LRRC7: variants seen among roughly 807,000 people sequenced by gnomAD.
The protein encoded by LRRC7 is leucine-rich repeat-containing protein 7.
LRRC7 carries 23 observed loss-of-function variants against 175.7 expected under a neutral mutation model. That is an observed-to-expected ratio of 0.13 (90% CI 0.09 to 0.19). LRRC7 has a LOEUF of 0.19. Among genes scored for constraint, LRRC7 ranks in the 10% least tolerant of loss-of-function variants. LRRC7 has a pLI of 1.00. For synonymous variants in LRRC7, 685 were observed against 680.9 expected (o/e 1.01, Z -0.09); for missense variants, 1,354 against 1,904.7 (o/e 0.71, Z 5.38).
Position 69,678,387 on chromosome 1 carries a change from GA to G in LRRC7, c.11del (p.Asn4ThrfsTer2). 6.3e-7 allele frequency: 1 copy of G among 1,589,858 alleles called. No individual in the cohort carries two copies. The highest frequency in any genetic ancestry group is 8.6e-7 in the Non-Finnish European group (1 of 1,166,544). On this transcript the variant is annotated frameshift_variant, in exon 2 of 27. Coordinates refer to ENST00000651989, the MANE Select transcript of LRRC7 (RefSeq NM_001370785.2). LOFTEE classifies it high-confidence loss of function. MME[N>X]LIRGRNPPQY... is the part of the protein sequence containing the mutation. Reference sequence around the variant, plus strand: ...TTCTGATTCTCTCTTATAGGATGGAGAACCTAATAAGGGGAAGGAATCCCCC... The same window carrying G: ...TTCTGATTCTCTCTTATAGGATGGAGACCTAATAAGGGGAAGGAATCCCCC...
chr1:69,568,859 G>T (rs1022021316), intron 1 of LRRC7, among the ~76,000 whole-genome samples: 2 of 152,222 alleles, frequency 1.3e-5, no homozygotes, highest in Admixed American at 1.3e-4. Context: ...TGCTAACTGG[G>T]CGGGTGCATG....
intron 22 of LRRC7, among the ~76,000 whole-genome samples, chr1:70,047,677 A>C (rs911477654): frequency 6.6e-6 from 1 of 152,062 alleles, no homozygotes; most frequent in Non-Finnish European, 1.5e-5. Context: ...TATTTATTAC[A>C]TGTCAGATCA....
intron 1 of LRRC7, among the ~76,000 whole-genome samples, chr1:69,669,545 G>A (rs183717666): frequency 2.0e-5 from 3 of 152,202 alleles, no homozygotes; most frequent in East Asian, 3.9e-4. Flanking sequence ...ATGAACTGAG[G>A]TAGTCTTATT....
chr1:69,702,381 A>G (rs893848508), intron 2 of LRRC7, among the ~76,000 whole-genome samples: 1 of 152,188 alleles, frequency 6.6e-6, no homozygotes, highest in Non-Finnish European at 1.5e-5. Flanking sequence ...GATCAGCAAC[A>G]TTTTTGTGGC....
intron 7 of LRRC7, among the ~76,000 whole-genome samples, chr1:69,861,731 G>A (rs1265318732): frequency 1.3e-5 from 2 of 152,190 alleles, no homozygotes; most frequent in Non-Finnish European, 2.9e-5. Flanking sequence ...AACTAGAATA[G>A]CCGTGACAGA....
Position 70,135,172 on chromosome 1 carries a change from AT to A in LRRC7, c.*13292del, listed in dbSNP as rs1242354578. Among the ~76,000 whole-genome samples, 4 of 151,850 alleles carry A rather than the reference AT, an allele frequency of 2.6e-5. No individual in the cohort carries two copies. Among genetic ancestry groups the A allele is most frequent in the East Asian group, 3.9e-4 (2 of 5,168 alleles). On this transcript the variant is annotated 3_prime_UTR_variant, in exon 27 of 27. Coordinates refer to ENST00000651989, the MANE Select transcript of LRRC7 (RefSeq NM_001370785.2). ...TTTTGGTATCCACTATTAGCGAAGT[AT>A]TTTTTTCTTTGTCTTCTATGGATAA... is the stretch of plus-strand genomic sequence containing the variant.
intron 8 of LRRC7, among the ~76,000 whole-genome samples, chr1:69,936,691 G>A (rs1044758697): frequency 6.6e-6 from 1 of 152,058 alleles, no homozygotes; most frequent in Admixed American, 6.6e-5. Context: ...GTACCTGACA[G>A]GTAGTTTTTC....
intron 16 of LRRC7, among the ~76,000 whole-genome samples, chr1:70,021,898 T>C (rs187076342): frequency 5.8e-4 from 89 of 152,306 alleles, no homozygotes; most frequent in Non-Finnish European, 1.0e-3. Context: ...TAACATTGTA[T>C]GTGTACTTTT....
chr1:70,045,784 G>A (rs1157024230), intron 22 of LRRC7, among the ~76,000 whole-genome samples: 2 of 152,084 alleles, frequency 1.3e-5, no homozygotes, highest in African/African-American at 2.4e-5. Flanking sequence ...AGGCGAAGGA[G>A]GAGCAAAGTC....
chr1:69,655,419 C>T (rs573146476), intron 1 of LRRC7, among the ~76,000 whole-genome samples: 17 of 151,926 alleles, frequency 1.1e-4, no homozygotes, highest in Non-Finnish European at 1.9e-4. Flanking sequence ...ATGTTGTATT[C>T]GCCACCAATA....
At chr1:69,853,187 C>A (rs895271939) in intron 7 of LRRC7, among the ~76,000 whole-genome samples, 3 of 151,376 alleles carry the variant, frequency 2.0e-5, no homozygotes, top group Non-Finnish European at 2.9e-5. Context: ...ATAAAATAAG[C>A]CATATTTTAC....
At chr1:69,697,722 C>T (rs1017527745) in intron 2 of LRRC7, among the ~76,000 whole-genome samples, 3 of 152,226 alleles carry the variant, frequency 2.0e-5, no homozygotes, top group Admixed American at 2.0e-4. Flanking sequence ...CCCATAGCCC[C>T]ATGCCCTAGT....
chr1:69,570,917 T>C (rs533737788), intron 1 of LRRC7, among the ~76,000 whole-genome samples: 1 of 152,272 alleles, frequency 6.6e-6, no homozygotes, highest in South Asian at 2.1e-4. Context: ...ATTAATTTAG[T>C]GGAGATATAA....
In LRRC7 at chr1:69,574,236, C is replaced by T. The variant is rs1221811380; in HGVS notation, c.2+5595C>T. On this transcript the variant is annotated intron_variant, in intron 1 of 26. Transcript: ENST00000651989. ...AGAGGTAGCTGACCTTAAAACAAAACAATAGCATAAATACTATCATTATCA... is the reference window on the plus strand; with the variant it reads ...AGAGGTAGCTGACCTTAAAACAAAATAATAGCATAAATACTATCATTATCA... Among the ~76,000 whole-genome samples the T allele has an allele frequency of 3.9e-5, 6 of 152,020 alleles. No homozygotes were observed. In the East Asian group the frequency reaches 1.2e-3, roughly 29 times the overall value.
intron 1 of LRRC7, among the ~76,000 whole-genome samples, chr1:69,653,307 A>G (rs1656137514): frequency 6.6e-6 from 1 of 151,882 alleles, no homozygotes; most frequent in African/African-American, 2.4e-5. Flanking sequence ...TTTTATTATT[A>G]TACTTTAAGT....
chr1:69,682,272 C>T (rs1660584565), intron 2 of LRRC7, among the ~76,000 whole-genome samples: 1 of 152,080 alleles, frequency 6.6e-6, no homozygotes, highest in South Asian at 2.1e-4. Flanking sequence ...TTTTGATTAA[C>T]TCAAAATGTG....
intron 7 of LRRC7, among the ~76,000 whole-genome samples, chr1:69,930,693 A>C (rs1213183919): frequency 6.6e-6 from 1 of 152,156 alleles, no homozygotes; most frequent in Non-Finnish European, 1.5e-5. Flanking sequence ...TATAGAAAAG[A>C]GGTTTAATTG....
At chr1:69,756,432 C>T (rs1176245735) in intron 2 of LRRC7, among the ~76,000 whole-genome samples, 1 of 150,800 alleles carries the variant, frequency 6.6e-6, no homozygotes. Flanking sequence ...TCATCAAGTG[C>T]CTAGTATGAT....
intron 2 of LRRC7, among the ~76,000 whole-genome samples, chr1:69,709,557 A>G (rs1258038897): frequency 6.6e-6 from 1 of 152,202 alleles, no homozygotes; most frequent in Non-Finnish European, 1.5e-5. Flanking sequence ...TAGCAAATGA[A>G]GCTCTTAATT....
Sources: gnomAD v4.1 joint callset for allele counts (sites outside exome capture counted in the v4.1 genomes callset) on GRCh38, gnomAD v4.1.1 for gene constraint, MANE v1.5 for transcripts, NCBI Gene and HGNC (gene_info 2026-07-23, HGNC 2026-07-21) for gene names.